The following SSB variants were observed in gnomAD, a reference collection of about 807,000 sequenced individuals.
The protein encoded by SSB is small RNA binding exonuclease protection factor La.
A neutral mutation model predicts 52.9 loss-of-function variants in SSB; 17 were observed. That is an observed-to-expected ratio of 0.32 (90% CI 0.22 to 0.48). The LOEUF (loss-of-function observed/expected upper bound fraction) is 0.48, where lower values mean the gene tolerates loss of function less well. Among genes scored for constraint, SSB ranks in the 20% least tolerant of loss-of-function variants. SSB has a pLI of 0.99. For missense variants in SSB, 314 were observed against 463.6 expected (o/e 0.68, Z 2.96); for synonymous variants, 111 against 152.1 (o/e 0.73, Z 1.99).
At chr2:169,810,590 AAATT>A (rs966017770) in intron 9 of SSB, 167 bp downstream of exon 9, 25 of 722,028 alleles carry the variant, frequency 3.5e-5, no homozygotes, top group Non-Finnish European at 4.5e-5. Context: ...GAATTATACT[AAATT>A]AGTTTCTACT....
intron 6 of SSB, 41 bp downstream of exon 6, chr2:169,807,112 T>C (rs574812366): frequency 1.0e-5 from 16 of 1,524,198 alleles, no homozygotes; most frequent in African/African-American, 2.7e-5. Flanking sequence ...CTTTTACTTA[T>C]ATGGACACAC....
At chr2:169,810,523 ATTAGT>A (rs1689927036) in intron 9 of SSB, 100 bp downstream of exon 9, 10 of 1,138,036 alleles carry the variant, frequency 8.8e-6, no homozygotes, top group Non-Finnish European at 1.2e-5. Flanking sequence ...TGTTTATTAA[ATTAGT>A]TTCTACTTGA....
At chr2:169,800,928 A>G (rs1456673273) in intron 1 of SSB, 24 bp from the exon 2 acceptor site, 2 of 1,551,668 alleles carry the variant, frequency 1.3e-6, no homozygotes, top group South Asian at 2.4e-5. Flanking sequence ...AAATAACTTT[A>G]TGCTAATTTG....
intron 8 of SSB, among the ~76,000 whole-genome samples, chr2:169,809,841 C>A (rs1185856757): frequency 2.6e-5 from 4 of 152,006 alleles, no homozygotes; most frequent in Non-Finnish European, 4.4e-5. Flanking sequence ...TGCTCTCGAT[C>A]TCTTGACCTG....
intron 8 of SSB, chr2:169,810,081 C>T: frequency 3.2e-6 from 1 of 317,122 alleles, no homozygotes. Flanking sequence ...AACACCAACA[C>T]TATGAAACTA....
rs11553159 is a variant in SSB at position 169,811,886 on chromosome 2, G to T, written c.*130G>T. ...GTGAGAAAGGAAAAATTTTTTTGTTGTTTAACTTGTCTTTTTGTTATGCAA... is the reference window on the plus strand; with the variant it reads ...GTGAGAAAGGAAAAATTTTTTTGTTTTTTAACTTGTCTTTTTGTTATGCAA... On this transcript the variant is annotated 3_prime_UTR_variant, in exon 12 of 12. Transcript: ENST00000260956. 4 of 1,609,758 alleles carry T rather than the reference G, an allele frequency of 2.5e-6. No individual in the cohort carries two copies. The highest frequency in any genetic ancestry group is 3.4e-6 in the Non-Finnish European group (4 of 1,177,962).
chr2:169,811,649 AT>A lies in SSB; in HGVS notation c.1139-17del. The stretch of plus-strand genomic sequence containing the variant: ...AGTACTTACGTTGAATTTAACAAAA[AT>A]TAATTGTTACGTTATAGGACCTGTG... On this transcript the variant is annotated intron_variant, in intron 11 of 11. Coordinates refer to ENST00000260956, the MANE Select transcript of SSB (RefSeq NM_003142.5). 6.2e-7 allele frequency: 1 copy of A among 1,600,876 alleles called. No homozygotes were observed. The highest frequency in any genetic ancestry group is 1.1e-5 in the South Asian group (1 of 88,514).
intron 6 of SSB, 139 bp downstream of exon 6, chr2:169,807,210 T>G (rs1573960611): frequency 1.5e-6 from 1 of 668,262 alleles, no homozygotes; most frequent in East Asian, 2.6e-5. Context: ...GCTTGATATT[T>G]GTTCAGTGAG....
intron 2 of SSB, 69 bp from the exon 3 acceptor site, chr2:169,805,405 T>C (rs1398197063): frequency 8.8e-7 from 1 of 1,136,994 alleles, no homozygotes; most frequent in Non-Finnish European, 1.3e-6. Flanking sequence ...AACTTGGTAC[T>C]GTAGAGTAAT....
intron 1 of SSB, among the ~76,000 whole-genome samples, chr2:169,799,777 G>T (rs188692100): frequency 6.6e-6 from 1 of 152,226 alleles, no homozygotes; most frequent in Admixed American, 6.5e-5. Flanking sequence ...GTGTATCCAT[G>T]GTATCGAATG....
intron 1 of SSB, among the ~76,000 whole-genome samples, chr2:169,800,359 C>T (rs988222783): frequency 2.0e-5 from 3 of 151,814 alleles, no homozygotes; most frequent in Non-Finnish European, 4.4e-5. Context: ...GGTGAAACCC[C>T]GTCTCTACTA....
At chr2:169,809,503 G>A (rs1689899157) in intron 8 of SSB, among the ~76,000 whole-genome samples, 1 of 152,046 alleles carries the variant, frequency 6.6e-6, no homozygotes, top group African/African-American at 2.4e-5. Flanking sequence ...TCTAATCATA[G>A]GTTAATACTA....
chr2:169,810,649 T>C (rs1689930457), intron 9 of SSB: 2 of 661,122 alleles, frequency 3.0e-6, no homozygotes, highest in Admixed American at 6.8e-5. Context: ...TGATGTCTGA[T>C]AGTTTCTGAA....
At position 169,811,658 on chromosome 2, in the gene SSB, T is replaced by C. The variant is rs1476668810; in HGVS notation, c.1139-10T>C. 6.2e-7 allele frequency: 1 copy of C among 1,602,926 alleles called. No homozygotes were observed. The highest frequency in any genetic ancestry group is 1.8e-5 in the Admixed American group (1 of 56,496). On this transcript the variant is annotated splice_polypyrimidine_tract_variant and intron_variant, in intron 11 of 11. Transcript: ENST00000260956. ...GTTGAATTTAACAAAAATTAATTGT[T>C]ACGTTATAGGACCTGTGAAAAGAGC... is the stretch of plus-strand genomic sequence containing the variant.
intron 2 of SSB, among the ~76,000 whole-genome samples, chr2:169,802,435 T>G (rs1462062888): frequency 1.3e-5 from 2 of 151,772 alleles, no homozygotes; most frequent in Non-Finnish European, 2.9e-5. Flanking sequence ...TTTTTTAAGC[T>G]GCACGTCTCT....
intron 2 of SSB, among the ~76,000 whole-genome samples, chr2:169,802,170 C>T (rs1056547408): frequency 3.9e-5 from 6 of 151,984 alleles, no homozygotes; most frequent in Non-Finnish European, 8.8e-5. Context: ...GATGACAGAG[C>T]GAGACACTGT....
chr2:169,805,652 A>G lies in SSB; in HGVS notation c.171-13A>G. The G allele has an allele frequency of 6.2e-7, 1 of 1,613,338 alleles. No homozygotes were observed. The highest frequency in any genetic ancestry group is 8.5e-7 in the Non-Finnish European group (1 of 1,179,752). ...CTACTGCTGAGTCTTATGTTTTTAT[A>G]TGTACTCTTCAGGTTGAACCGTCTA... On this transcript the variant is annotated splice_polypyrimidine_tract_variant and intron_variant, in intron 3 of 11. Coordinates refer to ENST00000260956, the MANE Select transcript of SSB (RefSeq NM_003142.5).
chr2:169,810,554 A>G, intron 9 of SSB, 131 bp downstream of exon 9: 2 of 838,472 alleles, frequency 2.4e-6, no homozygotes, highest in Non-Finnish European at 3.7e-6. Context: ...TGTTATTGCC[A>G]CTAGATGTGA....
At chr2:169,808,947 T>C in intron 8 of SSB, 45 bp downstream of exon 8, 1 of 1,467,620 alleles carries the variant, frequency 6.8e-7, no homozygotes, top group Non-Finnish European at 9.5e-7. Context: ...AATTCGAAGT[T>C]AAATGAATAG....
Sources: allele counts gnomAD v4.1 joint callset (sites outside exome capture counted in the v4.1 genomes callset), GRCh38; gene constraint gnomAD v4.1.1; transcripts MANE v1.5; gene names NCBI Gene and HGNC (gene_info 2026-07-23, HGNC 2026-07-21).